Variants in SLCO1B3 observed in about 807,000 individuals in gnomAD.
The protein encoded by SLCO1B3 is liver-specific organic anion transporter 2.
Under a neutral mutation model 71.8 loss-of-function variants are expected in SLCO1B3, and 72 were observed. That is an observed-to-expected ratio of 1.00 (90% CI 0.83 to 1.22). The LOEUF (loss-of-function observed/expected upper bound fraction) is 1.22, where lower values mean the gene tolerates loss of function less well. SLCO1B3 is among the 50% of genes most tolerant of loss of function. The probability of loss-of-function intolerance (pLI) is 0.00; values close to 1 mark genes in which losing one functional copy is unlikely to be tolerated. For missense variants in SLCO1B3, 911 were observed against 819.7 expected, an observed-to-expected ratio of 1.11 and a Z score of -1.36; for synonymous variants, 298 against 278.4, an observed-to-expected ratio of 1.07 and a Z score of -0.70.
rs533459745 is a variant in SLCO1B3, at chr12:20,864,485, A to G, written c.727+1631A>G. Among the ~76,000 whole-genome samples, 4 of 152,338 alleles carry G rather than the reference A, an allele frequency of 2.6e-5. No homozygotes were observed. In the East Asian group the frequency reaches 5.8e-4, roughly 22 times the overall value. ...CCATTATTGTAGGCCAAGAAATCAT[A>G]AAGTGTTTTCTATTATAAAACTAAA... is the stretch of plus-strand genomic sequence containing the variant. On this transcript the variant is annotated intron_variant, in intron 8 of 15. Transcript: ENST00000381545.
intron 3 of SLCO1B3, among the ~76,000 whole-genome samples, chr12:20,835,010 G>A (rs771929099): frequency 6.6e-6 from 1 of 152,190 alleles, no homozygotes; most frequent in Non-Finnish European, 1.5e-5. Context: ...AAATCTAGGT[G>A]GAGGTTCCCA....
chr12:20,829,555 C>T (rs1164082897), intron 3 of SLCO1B3, among the ~76,000 whole-genome samples: 1 of 152,130 alleles, frequency 6.6e-6, no homozygotes, highest in African/African-American at 2.4e-5. Flanking sequence ...GTGGGAGCCC[C>T]CTGACCTTGG....
intron 3 of SLCO1B3, among the ~76,000 whole-genome samples, chr12:20,835,370 C>T (rs567358031): frequency 6.6e-6 from 1 of 152,228 alleles, no homozygotes; most frequent in South Asian, 2.1e-4. Flanking sequence ...CTTGAATATC[C>T]CCCCAGAAAA....
intron 13 of SLCO1B3, among the ~76,000 whole-genome samples, chr12:20,885,665 A>C (rs1239964996): frequency 6.6e-6 from 1 of 151,996 alleles, no homozygotes; most frequent in Non-Finnish European, 1.5e-5. Flanking sequence ...GAAAGGAACA[A>C]GCTAGGCAAG....
chr12:20,820,440 G>A, intron 3 of SLCO1B3, among the ~76,000 whole-genome samples: 1 of 152,116 alleles, frequency 6.6e-6, no homozygotes. Context: ...TACTTGGCCT[G>A]GTGGTCAGAT....
intron 3 of SLCO1B3, among the ~76,000 whole-genome samples, chr12:20,818,840 G>A (rs1291814838): frequency 1.3e-5 from 2 of 152,134 alleles, no homozygotes; most frequent in Non-Finnish European, 2.9e-5. Context: ...AGGTGGATCA[G>A]AGAGATGCAG....
intron 1 of SLCO1B3, among the ~76,000 whole-genome samples, 180 bp downstream of exon 1, chr12:20,810,944 G>T (rs1375249932): frequency 6.6e-6 from 1 of 152,010 alleles, no homozygotes; most frequent in East Asian, 1.9e-4. Flanking sequence ...AGAAATAGAA[G>T]AGCCTCAGAT....
chr12:20,905,755 A>G (rs1866231394), intron 15 of SLCO1B3, among the ~76,000 whole-genome samples: 1 of 152,170 alleles, frequency 6.6e-6, no homozygotes, highest in Admixed American at 6.5e-5. Context: ...AAACCATTCA[A>G]CAGTCTCTAG....
chr12:20,879,657 G>T (rs776370332), intron 11 of SLCO1B3, 26 bp downstream of exon 11: 11 of 1,415,320 alleles, frequency 7.8e-6, no homozygotes, highest in East Asian at 2.4e-5. Context: ...TATATAAATT[G>T]TGTAATATGT....
intron 4 of SLCO1B3, among the ~76,000 whole-genome samples, chr12:20,856,213 C>T (rs1591763405): frequency 1.3e-5 from 2 of 152,190 alleles, no homozygotes; most frequent in African/African-American, 4.8e-5. Flanking sequence ...AACTTTGCAG[C>T]TATTTAACAG....
At chr12:20,912,183 G>T (rs1866392415) in intron 15 of SLCO1B3, among the ~76,000 whole-genome samples, 1 of 151,816 alleles carries the variant, frequency 6.6e-6, no homozygotes, top group African/African-American at 2.4e-5. Flanking sequence ...AATCTTCACA[G>T]ATTTTGAGAC....
intron 1 of SLCO1B3, 33 bp downstream of exon 1, chr12:20,810,797 T>C (rs1312534820): frequency 1.3e-5 from 2 of 152,142 alleles, no homozygotes; most frequent in African/African-American, 2.4e-5. Context: ...AATTAAAACA[T>C]TTCTTTTATG....
chr12:20,811,745 A>G (rs918936808), intron 1 of SLCO1B3, among the ~76,000 whole-genome samples: 4 of 152,192 alleles, frequency 2.6e-5, no homozygotes, highest in African/African-American at 7.2e-5. Context: ...ACATTTATTT[A>G]TGTCAATAAT....
At chr12:20,863,971 A>G (rs140246971) in intron 8 of SLCO1B3, among the ~76,000 whole-genome samples, 48 of 152,036 alleles carry the variant, frequency 3.2e-4, no homozygotes, top group Admixed American at 7.2e-4. Context: ...AGTACCTAAA[A>G]CTCAACCTGT....
intron 15 of SLCO1B3, chr12:20,901,992 T>C: frequency 2.7e-6 from 1 of 375,630 alleles, no homozygotes; most frequent in South Asian, 1.9e-5. Context: ...TATAGAAGCA[T>C]TAATTTGTAA....
At chr12:20,859,949 A>AT (rs1865221525) in intron 5 of SLCO1B3, among the ~76,000 whole-genome samples, 1 of 127,624 alleles carries the variant, frequency 7.8e-6, no homozygotes, top group Admixed American at 7.8e-5. Context: ...AAAGCTGATC[A>AT]TTTCTTTTTT....
intron 13 of SLCO1B3, among the ~76,000 whole-genome samples, chr12:20,893,729 G>GA (rs1413731495): frequency 6.6e-6 from 1 of 152,068 alleles, no homozygotes; most frequent in African/African-American, 2.4e-5. Flanking sequence ...TTGAGTAATG[G>GA]AAAAAGAGTA....
chr12:20,863,546 C>T (rs1865312372), intron 8 of SLCO1B3, among the ~76,000 whole-genome samples: 1 of 152,112 alleles, frequency 6.6e-6, no homozygotes, highest in African/African-American at 2.4e-5. Context: ...TTAACCCATA[C>T]TTATGAAAAA....
intron 3 of SLCO1B3, among the ~76,000 whole-genome samples, chr12:20,823,371 G>T (rs1864357272): frequency 6.6e-6 from 1 of 152,114 alleles, no homozygotes; most frequent in Non-Finnish European, 1.5e-5. Flanking sequence ...TTGGAGACTT[G>T]TAGTCAGGAA....
Sources: gnomAD v4.1 joint callset for allele counts (sites outside exome capture counted in the v4.1 genomes callset) on GRCh38, gnomAD v4.1.1 for gene constraint, MANE v1.5 for transcripts, NCBI Gene and HGNC (gene_info 2026-07-23, HGNC 2026-07-21) for gene names.